Variants in MCTP1 observed in about 807,000 individuals in gnomAD.
MCTP1 encodes the protein multiple C2 and transmembrane domain containing 1.
Under a neutral mutation model 120.6 loss-of-function variants are expected in MCTP1, and 69 were observed. The observed-to-expected ratio is 0.57, with a 90% confidence interval of 0.47 to 0.70. The LOEUF (loss-of-function observed/expected upper bound fraction) is 0.70, where lower values mean the gene tolerates loss of function less well. MCTP1 is among the 30% of genes least tolerant of loss of function. The pLI is 0.00. For missense variants in MCTP1, 1,203 were observed against 1,248.8 expected (o/e 0.96, Z 0.55); for synonymous variants, 529 against 493.1 (o/e 1.07, Z -0.96).
At chr5:94,820,651 T>TCTCA (rs1401722921) in intron 17 of MCTP1, among the ~76,000 whole-genome samples, 1 of 152,228 alleles carries the variant, frequency 6.6e-6, no homozygotes, top group Non-Finnish European at 1.5e-5. Context: ...GCTTAAAGCA[T>TCTCA]GGTCTGTCCC....
At chr5:95,158,783 A>T (rs1395046989) in intron 1 of MCTP1, among the ~76,000 whole-genome samples, 1 of 151,924 alleles carries the variant, frequency 6.6e-6, no homozygotes, top group Non-Finnish European at 1.5e-5. Flanking sequence ...AAAAAAAAAA[A>T]AAAAAATTAG....
chr5:94,870,722 T>C, intron 15 of MCTP1, 150 bp downstream of exon 15: 1 of 678,764 alleles, frequency 1.5e-6, no homozygotes, highest in Non-Finnish European at 2.5e-6. Flanking sequence ...AAAGTGTGGG[T>C]GTGCCAGGCA....
intron 1 of MCTP1, among the ~76,000 whole-genome samples, chr5:95,159,961 C>T (rs7727316): frequency 0.016 from 2,458 of 152,016 alleles, 58 homozygotes; most frequent in African/African-American, 0.056. Context: ...TATATGAAGG[C>T]GTGAGAACAG....
chr5:95,073,628 G>A, intron 1 of MCTP1, among the ~76,000 whole-genome samples: 1 of 152,182 alleles, frequency 6.6e-6, no homozygotes, highest in Middle Eastern at 3.2e-3. Context: ...GGAGGTGGGA[G>A]CACACTGGAT....
At chr5:95,189,648 G>C (rs932529360) in intron 1 of MCTP1, among the ~76,000 whole-genome samples, 2 of 152,060 alleles carry the variant, frequency 1.3e-5, no homozygotes, top group Admixed American at 1.3e-4. Flanking sequence ...AGGAAATCTG[G>C]GAGTAGTAAA....
chr5:94,791,091 G>A (rs1166875406), intron 18 of MCTP1, among the ~76,000 whole-genome samples: 1 of 142,918 alleles, frequency 7.0e-6, no homozygotes, highest in Admixed American at 7.1e-5. Context: ...TAGCCAATAC[G>A]GCGAAATCCC....
At chr5:94,992,370 G>A (rs1196968691) in intron 2 of MCTP1, among the ~76,000 whole-genome samples, 1 of 152,168 alleles carries the variant, frequency 6.6e-6, no homozygotes, top group Non-Finnish European at 1.5e-5. Context: ...AAAACCTTAT[G>A]TGTAGAATCC....
chr5:95,265,772 CT>C lies in MCTP1; in HGVS notation c.720+18083del, dbSNP rs1182743877. Among the ~76,000 whole-genome samples, 4 of 152,298 alleles carry C rather than the reference CT, an allele frequency of 2.6e-5. No individual in the cohort carries two copies. The South Asian group carries it at 8.3e-4, about 32-fold the overall frequency. On this transcript the variant is annotated intron_variant, in intron 1 of 22. Transcript: ENST00000515393. ...TTACATATATATGCTACCTCCCCATCTAAGAGAAAAAATCTCTGGAGTGCAG... is the reference window on the plus strand; with the variant it reads ...TTACATATATATGCTACCTCCCCATCAAGAGAAAAAATCTCTGGAGTGCAG...
intron 1 of MCTP1, among the ~76,000 whole-genome samples, chr5:95,099,401 G>A (rs79661229): frequency 0.85 from 128,593 of 150,612 alleles, 55,418 homozygotes; most frequent in Non-Finnish European, 0.92. Flanking sequence ...GCCAGAATCT[G>A]CAATGAACTC....
chr5:94,763,107 TGTTAA>T (rs770832407), intron 19 of MCTP1, among the ~76,000 whole-genome samples: 1 of 152,242 alleles, frequency 6.6e-6, no homozygotes, highest in Non-Finnish European at 1.5e-5. Flanking sequence ...TCATTTTTAC[TGTTAA>T]GTTAAAGATG....
intron 2 of MCTP1, among the ~76,000 whole-genome samples, chr5:95,002,567 T>G (rs992055917): frequency 3.3e-5 from 5 of 152,242 alleles, no homozygotes; most frequent in African/African-American, 1.2e-4. Context: ...ATTTAACGAC[T>G]GCCCTATTGG....
chr5:95,176,336 C>T (rs1052031333), intron 1 of MCTP1, among the ~76,000 whole-genome samples: 5 of 151,940 alleles, frequency 3.3e-5, no homozygotes, highest in East Asian at 1.9e-4. Flanking sequence ...ACTAGCCTGG[C>T]CACCATGGTG....
At chr5:95,283,782 C>T (rs988419527) in intron 1 of MCTP1, 74 bp downstream of exon 1, 1 of 1,212,780 alleles carries the variant, frequency 8.2e-7, no homozygotes, top group Non-Finnish European at 1.0e-6. Context: ...CCCCCCGCTC[C>T]CCGGGTGGTG....
chr5:95,087,918 C>T (rs1409220712), intron 1 of MCTP1, among the ~76,000 whole-genome samples: 1 of 152,174 alleles, frequency 6.6e-6, no homozygotes, highest in African/African-American at 2.4e-5. Flanking sequence ...AGCAACTCAG[C>T]AGCTAGGTCT....
intron 17 of MCTP1, among the ~76,000 whole-genome samples, chr5:94,832,781 G>A (rs1452752714): frequency 6.6e-6 from 1 of 152,128 alleles, no homozygotes; most frequent in East Asian, 1.9e-4. Flanking sequence ...TGCAATTTTT[G>A]ACACATCATT....
Position 94,812,934 on chromosome 5 carries a change from G to A in MCTP1, c.2437-13802C>T, listed in dbSNP as rs550154734. On this transcript the variant is annotated intron_variant, in intron 17 of 22. Transcript: ENST00000515393. ...TCTCTCTCTCTCTCTCTGTATAAAT[G>A]TCTGTGTGTGTGCGTGCGTGTATAT... is the stretch of plus-strand genomic sequence containing the variant. Among the ~76,000 whole-genome samples, 29 of 151,406 alleles carry A rather than the reference G, an allele frequency of 1.9e-4. No individual in the cohort carries two copies. In the South Asian group the frequency reaches 6.1e-3, roughly 32 times the overall value.
intron 1 of MCTP1, among the ~76,000 whole-genome samples, chr5:95,075,460 A>G (rs1213823984): frequency 6.6e-6 from 1 of 152,230 alleles, no homozygotes; most frequent in East Asian, 1.9e-4. Context: ...TTAAAATTGT[A>G]AAATGTAAAA....
chr5:95,013,368 A>G (rs886439951), intron 2 of MCTP1, among the ~76,000 whole-genome samples: 9 of 152,214 alleles, frequency 5.9e-5, no homozygotes, highest in Non-Finnish European at 8.8e-5. Flanking sequence ...CAGATTTTCA[A>G]TGTAGATGAA....
intron 19 of MCTP1, among the ~76,000 whole-genome samples, chr5:94,753,883 G>A (rs1486799681): frequency 6.6e-6 from 1 of 152,156 alleles, no homozygotes; most frequent in Non-Finnish European, 1.5e-5. Context: ...CGTAATTGGT[G>A]CACTGGCCCC....
Sources: gnomAD v4.1 joint callset for allele counts (sites outside exome capture counted in the v4.1 genomes callset) on GRCh38, gnomAD v4.1.1 for gene constraint, MANE v1.5 for transcripts, NCBI Gene and HGNC (gene_info 2026-07-23, HGNC 2026-07-21) for gene names.